The following MAS1 variants were observed in gnomAD, a reference collection of about 807,000 sequenced individuals.
MAS1 encodes the protein proto-oncogene Mas.
For missense variants in MAS1, 387 were observed against 409.7 expected, an observed-to-expected ratio of 0.94 and a Z score of 0.48; for synonymous variants, 163 against 164.2, an observed-to-expected ratio of 0.99 and a Z score of 0.05.
At chr6:159,892,738 C>G (rs1028365797) in intron 1 of MAS1, among the ~76,000 whole-genome samples, 1 of 152,172 alleles carries the variant, frequency 6.6e-6, no homozygotes, top group East Asian at 1.9e-4. Flanking sequence ...TGGCAGGACA[C>G]AGGCTCTGCA....
chr6:159,914,988 TA>T lies in MAS1; in HGVS notation c.*7056del, dbSNP rs933473714. 6.6e-6 allele frequency: 1 copy of T among 152,268 alleles called. No homozygotes were observed. Among genetic ancestry groups the T allele is most frequent in the African/African-American group, 2.4e-5 (1 of 41,446 alleles). 9.4% of individuals were successfully genotyped at this position (152,268 alleles called of 1,614,324 possible). On this transcript the variant is annotated 3_prime_UTR_variant, in exon 3 of 3. Transcript: ENST00000674077. ...CTGGCTTCTTTCAATTCTGTGGACC[TA>T]GGGGGTTTCTCAGCTTCTCCCCAAA... is the stretch of plus-strand genomic sequence containing the variant.
rs1404286525 is a variant in MAS1, at chr6:159,906,909, C to T, written c.-36-11C>T. The stretch of plus-strand genomic sequence containing the variant: ...CTTTTTGTGTTTGTTTTGTTCTGGA[C>T]ATATTTACAGAAAATTACCTGAAGA... On this transcript the variant is annotated splice_polypyrimidine_tract_variant and intron_variant, in intron 2 of 2. Transcript: ENST00000674077. 2 of 1,527,712 alleles carry T rather than the reference C, an allele frequency of 1.3e-6. No homozygotes were observed. The highest frequency in any genetic ancestry group is 1.4e-5 in the African/African-American group (1 of 72,254). 94.6% of individuals were successfully genotyped at this position (1,527,712 alleles called of 1,614,324 possible).
upstream of MAS1, among the ~76,000 whole-genome samples, chr6:159,890,183 A>G (rs910366469): frequency 4.6e-5 from 7 of 152,214 alleles, no homozygotes; most frequent in African/African-American, 1.4e-4. Flanking sequence ...GAGTTATTTG[A>G]AAAATGGGTA....
At chr6:159,895,261 T>G (rs1782741720) in intron 1 of MAS1, among the ~76,000 whole-genome samples, 1 of 152,196 alleles carries the variant, frequency 6.6e-6, no homozygotes, top group South Asian at 2.1e-4. Context: ...CTGCTGCCTT[T>G]GTTACTAAGT....
rs1238056983 is a variant in MAS1, at chr6:159,907,381, C to T, written c.426C>T (p.Cys142=). ...TCCTTTACCCCATCTGGTACCGATG[C>T]CATCGCCCCAAGTACCAGTCGGCAT... ...LSVLYPIWYR[C]HRPKYQSALV... The change falls in exon 3 of 3, where the codon TGC becomes TGT. Residue 142 remains cysteine (C), a synonymous_variant. Transcript: ENST00000674077. 6 of 1,614,000 alleles carry T rather than the reference C, an allele frequency of 3.7e-6. No individual in the cohort carries two copies. In the African/African-American group the frequency reaches 8.0e-5, roughly 22 times the overall value.
intron 1 of MAS1, among the ~76,000 whole-genome samples, chr6:159,898,448 T>G (rs939088144): frequency 2.6e-5 from 4 of 151,856 alleles, no homozygotes; most frequent in African/African-American, 9.7e-5. Flanking sequence ...CCACTCACTG[T>G]CCTGTAAAGT....
At chr6:159,901,570 G>T (rs1262198715) in intron 2 of MAS1, among the ~76,000 whole-genome samples, 1 of 152,192 alleles carries the variant, frequency 6.6e-6, no homozygotes, top group East Asian at 1.9e-4. Flanking sequence ...TTGTACTCTA[G>T]CCTGGTCAAC....
At chr6:159,900,785 A>G (rs748707906) in intron 2 of MAS1, among the ~76,000 whole-genome samples, 16 of 152,120 alleles carry the variant, frequency 1.1e-4, no homozygotes, top group Non-Finnish European at 2.4e-4. Flanking sequence ...GAACTGTTAT[A>G]ATGGGCTTTA....
rs1438689784 is a variant in MAS1, at chr6:159,911,319, T to G, written c.*3386T>G. 1 of 152,882 alleles carries G rather than the reference T, an allele frequency of 6.5e-6. No homozygotes were observed. Among genetic ancestry groups the G allele is most frequent in the Non-Finnish European group, 1.4e-5 (1 of 69,692 alleles). The allele number at this position is 152,882 out of a possible 1,614,324, so 9.5% of individuals were successfully genotyped here. A position where few individuals can be genotyped will look rare whatever the true frequency, so the allele number is the denominator to read the frequency against. On this transcript the variant is annotated 3_prime_UTR_variant, in exon 3 of 3. Transcript: ENST00000674077. ...CCCCACCGTTTCTTTTTTCTTTTCT[T>G]TTCTTTTCCTTTTTTTTTTTTTTTT...
At chr6:159,905,235 G>C (rs1583214232) in intron 2 of MAS1, among the ~76,000 whole-genome samples, 1 of 152,292 alleles carries the variant, frequency 6.6e-6, no homozygotes, top group South Asian at 2.1e-4. Context: ...TAAATGTGTG[G>C]GGGGAGAATT....
At chr6:159,891,722 G>T (rs192596983) in intron 1 of MAS1, among the ~76,000 whole-genome samples, 6 of 152,298 alleles carry the variant, frequency 3.9e-5, no homozygotes, top group African/African-American at 1.2e-4. Flanking sequence ...GGAATCTCCT[G>T]CCCAGTCTTG....
intron 2 of MAS1, among the ~76,000 whole-genome samples, chr6:159,906,353 GTTC>G (rs143547619): frequency 0.026 from 4,032 of 152,236 alleles, 79 homozygotes; most frequent in Non-Finnish European, 0.033. Context: ...CCTTTTGATT[GTTC>G]ACACTTTAAG....
rs965357444 is a variant in MAS1, at chr6:159,908,213, G to T, written c.*280G>T. The T allele has an allele frequency of 7.5e-6, 2 of 266,912 alleles. No individual in the cohort carries two copies. Among genetic ancestry groups the T allele is most frequent in the Non-Finnish European group, 1.4e-5 (2 of 140,932 alleles). The allele number at this position is 266,912 out of a possible 1,614,324, so 16.5% of individuals were successfully genotyped here. ...CTTTTGCAGGAAGATTTACAGATGT[G>T]TACGGGACAAGGTAACAAAACTATT... On this transcript the variant is annotated 3_prime_UTR_variant, in exon 3 of 3. Transcript: ENST00000674077.
In MAS1 at chr6:159,907,461, T is replaced by C. The variant is rs765383320; in HGVS notation, c.506T>C (p.Val169Ala). ...LSCLVTTMEY[V>A]MCIDREEESH... The stretch of plus-strand genomic sequence containing the variant: ...TGCTTGGTGACCACCATGGAGTATG[T>C]CATGTGCATCGACAGAGAAGAAGAG... Residue 169 changes from valine to alanine, a missense_variant, in exon 3 of 3, where the codon GTC (valine) becomes GCC (alanine). Coordinates refer to ENST00000674077, the MANE Select transcript of MAS1 (RefSeq NM_002377.4). 5 of 1,614,036 alleles carry C rather than the reference T, an allele frequency of 3.1e-6. No individual in the cohort carries two copies. The highest frequency in any genetic ancestry group is 4.2e-6 in the Non-Finnish European group (5 of 1,180,028).
At position 159,917,288 on chromosome 6, in the gene MAS1, C is replaced by T. The variant is rs758994896; in HGVS notation, c.*9355C>T. On this transcript the variant is annotated 3_prime_UTR_variant, in exon 3 of 3. Transcript: ENST00000674077. Reference sequence around the variant, plus strand: ...ATTAATCACAAGGAGATTTAAAAAACGAGAGATTTTCTGTAGTAAGTACAT... The same window carrying T: ...ATTAATCACAAGGAGATTTAAAAAATGAGAGATTTTCTGTAGTAAGTACAT... Among the ~76,000 whole-genome samples, 16 of 152,170 alleles carry T rather than the reference C, an allele frequency of 1.1e-4. No homozygotes were observed. The highest frequency in any genetic ancestry group is 1.9e-4 in the African/African-American group (8 of 41,438).
At chr6:159,895,791 A>G (rs1400402294) in intron 1 of MAS1, among the ~76,000 whole-genome samples, 2 of 152,232 alleles carry the variant, frequency 1.3e-5, no homozygotes, top group Non-Finnish European at 2.9e-5. Context: ...TATAATTGGC[A>G]TGGTTATTTT....
At chr6:159,896,530 C>G (rs1782755633) in intron 1 of MAS1, among the ~76,000 whole-genome samples, 1 of 152,108 alleles carries the variant, frequency 6.6e-6, no homozygotes, top group Non-Finnish European at 1.5e-5. Context: ...AATGTTGAAT[C>G]TGGTTAATTT....
In MAS1 at chr6:159,907,381, C is replaced by G; in HGVS notation, c.426C>G (p.Cys142Trp). The stretch of plus-strand genomic sequence containing the variant: ...TCCTTTACCCCATCTGGTACCGATG[C>G]CATCGCCCCAAGTACCAGTCGGCAT... ...LSVLYPIWYR[C>W]HRPKYQSALV... The change falls in exon 3 of 3, where the codon TGC becomes TGG. Residue 142 changes from cysteine to tryptophan, a missense_variant. Physicochemically the swap from Cys to Trp is radical, Grantham distance 215. Coordinates refer to ENST00000674077, the MANE Select transcript of MAS1 (RefSeq NM_002377.4). 1 of 1,614,118 alleles carries G rather than the reference C, an allele frequency of 6.2e-7. No individual in the cohort carries two copies. The highest frequency in any genetic ancestry group is 1.7e-5 in the Admixed American group (1 of 60,026).
chr6:159,896,045 A>G (rs545331320), intron 1 of MAS1, among the ~76,000 whole-genome samples: 32 of 152,382 alleles, frequency 2.1e-4, no homozygotes, highest in African/African-American at 7.2e-4. Context: ...ACAGAGGCTC[A>G]CGCCTGTAAT....
Sources: gnomAD v4.1 joint callset for allele counts (sites outside exome capture counted in the v4.1 genomes callset) on GRCh38, gnomAD v4.1.1 for gene constraint, MANE v1.5 for transcripts, NCBI Gene and HGNC (gene_info 2026-07-23, HGNC 2026-07-21) for gene names.